The following KDM4C variants were observed in gnomAD, a reference collection of about 807,000 sequenced individuals.
KDM4C encodes the protein lysine demethylase 4C.
A neutral mutation model predicts 129.3 loss-of-function variants in KDM4C; 81 were observed. The observed-to-expected ratio is 0.63, with a 90% CI of 0.52 to 0.75. The LOEUF (loss-of-function observed/expected upper bound fraction) is 0.75. Among genes scored for constraint, KDM4C ranks in the 30% least tolerant of loss-of-function variants. KDM4C has a pLI of 0.00. For missense variants in KDM4C, 1,457 were observed against 1,304.0 expected, an observed-to-expected ratio of 1.12 and a Z score of -1.81; for synonymous variants, 573 against 456.1, an observed-to-expected ratio of 1.26 and a Z score of -3.26.
chr9:6,953,785 T>C (rs143505447), intron 8 of KDM4C, among the ~76,000 whole-genome samples: 2,173 of 152,292 alleles, frequency 0.014, 45 homozygotes, highest in African/African-American at 0.048. Context: ...TATGCCACCA[T>C]ATCATCCCTA....
At chr9:6,935,566 C>T (rs570603516) in intron 8 of KDM4C, among the ~76,000 whole-genome samples, 27 of 150,446 alleles carry the variant, frequency 1.8e-4, no homozygotes, top group South Asian at 1.1e-3. Flanking sequence ...TACAGGTGCG[C>T]GCCACCACGC....
At chr9:6,854,534 AAAAAAAAAAAAC>A (rs1387712807) in intron 5 of KDM4C, among the ~76,000 whole-genome samples, 298 of 145,930 alleles carry the variant, frequency 2.0e-3, no homozygotes, top group Non-Finnish European at 2.9e-3. Context: ...TCAAAAAAAA[AAAAAAAAAAAAC>A]AAAAAAAAAA....
At chr9:6,844,264 G>C (rs1203379021) in intron 4 of KDM4C, among the ~76,000 whole-genome samples, 1 of 151,250 alleles carries the variant, frequency 6.6e-6, no homozygotes, top group Non-Finnish European at 1.5e-5. Flanking sequence ...TTTGTTTTAA[G>C]TTTTTCTAAT....
intron 15 of KDM4C, among the ~76,000 whole-genome samples, chr9:7,018,935 G>T (rs1824169954): frequency 6.6e-6 from 1 of 152,084 alleles, no homozygotes; most frequent in East Asian, 1.9e-4. Flanking sequence ...CAGTTGAACT[G>T]GGAACTCTTG....
chr9:6,940,343 G>A (rs1825722245), intron 8 of KDM4C, among the ~76,000 whole-genome samples: 2 of 152,118 alleles, frequency 1.3e-5, no homozygotes. Context: ...GCCTAGCTGA[G>A]ACAATCATTC....
intron 8 of KDM4C, chr9:6,924,732 T>A (rs532667655): frequency 3.4e-5 from 33 of 981,036 alleles, no homozygotes; most frequent in Non-Finnish European, 3.1e-5. Flanking sequence ...GTGGATTTTG[T>A]CTGAGGAGTT....
chr9:6,910,047 A>T (rs926558619), intron 8 of KDM4C, among the ~76,000 whole-genome samples: 1 of 152,220 alleles, frequency 6.6e-6, no homozygotes, highest in African/African-American at 2.4e-5. Flanking sequence ...GAAGGAAAAT[A>T]TGGTAAAATT....
intron 1 of KDM4C, among the ~76,000 whole-genome samples, chr9:6,743,888 G>GT (rs1342513026): frequency 6.6e-6 from 1 of 151,378 alleles, no homozygotes; most frequent in Non-Finnish European, 1.5e-5. Context: ...TGACAGCTAA[G>GT]TGACTCACTA....
chr9:6,939,297 T>C (rs532125829), intron 8 of KDM4C, among the ~76,000 whole-genome samples: 2 of 152,164 alleles, frequency 1.3e-5, no homozygotes, highest in South Asian at 4.1e-4. Context: ...GGTTGCATGC[T>C]CCTCATGAGA....
intron 10 of KDM4C, among the ~76,000 whole-genome samples, chr9:6,985,820 A>G (rs1332844128): frequency 6.6e-6 from 1 of 152,116 alleles, no homozygotes; most frequent in African/African-American, 2.4e-5. Flanking sequence ...CCTCCTGAGT[A>G]TCTGGGACTA....
intron 17 of KDM4C, among the ~76,000 whole-genome samples, chr9:7,073,484 C>T (rs1006190941): frequency 6.6e-6 from 1 of 152,234 alleles, no homozygotes. Flanking sequence ...AAGCTATACT[C>T]ACCTTTGTGG....
chr9:6,897,228 G>A (rs971618306), intron 8 of KDM4C, among the ~76,000 whole-genome samples: 4 of 152,168 alleles, frequency 2.6e-5, no homozygotes, highest in Non-Finnish European at 5.9e-5. Context: ...TATGGATTGT[G>A]TAGAAGATCT....
intron 17 of KDM4C, among the ~76,000 whole-genome samples, chr9:7,055,100 C>T (rs1830692470): frequency 1.3e-5 from 2 of 152,056 alleles, no homozygotes; most frequent in South Asian, 4.2e-4. Flanking sequence ...ATTGCTTGAA[C>T]CTGGGAGGCG....
intron 3 of KDM4C, among the ~76,000 whole-genome samples, chr9:6,808,295 G>C (rs867641884): frequency 3.0e-5 from 2 of 66,546 alleles, no homozygotes; most frequent in African/African-American, 1.9e-4. Context: ...GATGGTTGCC[G>C]TGTCTGTGTA....
intron 7 of KDM4C, among the ~76,000 whole-genome samples, chr9:6,890,489 T>A (rs1446594338): frequency 6.6e-6 from 1 of 152,214 alleles, no homozygotes; most frequent in African/African-American, 2.4e-5. Flanking sequence ...AACATAAGTG[T>A]AATAAACAGC....
chr9:7,131,409 AGC>A (rs1840626111), intron 19 of KDM4C, among the ~76,000 whole-genome samples: 1 of 152,166 alleles, frequency 6.6e-6, no homozygotes. Context: ...TCTCCAGAGA[AGC>A]GGAACCAATA....
chr9:7,035,898 A>G (rs898512865), intron 15 of KDM4C, among the ~76,000 whole-genome samples: 3 of 152,130 alleles, frequency 2.0e-5, no homozygotes, highest in Non-Finnish European at 2.9e-5. Flanking sequence ...GCTTTGTAGT[A>G]TATTTTGATG....
chr9:6,988,762 G>A (rs961378728), intron 11 of KDM4C, among the ~76,000 whole-genome samples: 27 of 151,794 alleles, frequency 1.8e-4, no homozygotes, highest in African/African-American at 6.0e-4. Flanking sequence ...CTCACTTTAC[G>A]TGCTATTCTT....
At chr9:6,799,463 G>C (rs1379136261) in intron 2 of KDM4C, among the ~76,000 whole-genome samples, 2 of 152,104 alleles carry the variant, frequency 1.3e-5, no homozygotes, top group Non-Finnish European at 2.9e-5. Context: ...CACTCTGCAG[G>C]CTGAGGCAGG....
Sources: allele counts gnomAD v4.1 joint callset (sites outside exome capture counted in the v4.1 genomes callset), GRCh38; gene constraint gnomAD v4.1.1; transcripts MANE v1.5; gene names NCBI Gene and HGNC (gene_info 2026-07-23, HGNC 2026-07-21).